Variants in PLCL1 observed in about 807,000 individuals in gnomAD.
PLCL1 encodes inactive phospholipase C-like protein 1.
PLCL1 carries 41 observed loss-of-function variants against 84.4 expected under a neutral mutation model. The observed-to-expected ratio is 0.49, with a 90% CI of 0.38 to 0.63. The LOEUF (loss-of-function observed/expected upper bound fraction) is 0.63. Ranked by LOEUF, PLCL1 falls within the 30% of genes least tolerant of loss-of-function variation. PLCL1 has a pLI of 0.00. For missense variants in PLCL1, 1,206 were observed against 1,367.8 expected (o/e 0.88, Z 1.87); for synonymous variants, 490 against 488.3 (o/e 1.00, Z -0.05).
intron 1 of PLCL1, among the ~76,000 whole-genome samples, chr2:197,926,389 A>G (rs1165476573): frequency 6.6e-6 from 1 of 152,208 alleles, no homozygotes. Flanking sequence ...TTCTGAGCCT[A>G]GTCTATTCCC....
At chr2:198,029,364 T>A (rs906516055) in intron 1 of PLCL1, among the ~76,000 whole-genome samples, 1 of 152,206 alleles carries the variant, frequency 6.6e-6, no homozygotes, top group Non-Finnish European at 1.5e-5. Context: ...AAACATACAT[T>A]TTCTACTAGA....
At position 198,085,877 on chromosome 2, in the gene PLCL1, A is replaced by G; in HGVS notation, c.2360A>G (p.Asn787Ser). The change falls in exon 2 of 6, where the codon AAC becomes AGC. Residue 787 changes from asparagine (N) to serine (S), a missense_variant. By Grantham distance (46) the Asn-to-Ser change is conservative (BLOSUM62 1). Coordinates refer to ENST00000428675, the MANE Select transcript of PLCL1 (RefSeq NM_006226.4). The surrounding 1 kb of genome is among the most constrained non-coding windows in gnomAD (Gnocchi z 5.3). ...IFDETFEFQV[N>S]LPELAMIRFV... ...GATGAAACTTTTGAGTTCCAAGTAA[A>G]CCTACCTGAGCTGGCCATGATCCGT... 2 of 1,614,038 alleles carry G rather than the reference A, an allele frequency of 1.2e-6. No homozygotes were observed. Among genetic ancestry groups the G allele is most frequent in the South Asian group, 2.2e-5 (2 of 91,078 alleles).
chr2:198,014,120 A>G (rs1390772072), intron 1 of PLCL1, among the ~76,000 whole-genome samples: 1 of 152,166 alleles, frequency 6.6e-6, no homozygotes, highest in Non-Finnish European at 1.5e-5. Flanking sequence ...TTTAAAAAGT[A>G]GCCTTTTATT....
At chr2:198,003,262 A>G (rs1053930143) in intron 1 of PLCL1, among the ~76,000 whole-genome samples, 43 of 152,184 alleles carry the variant, frequency 2.8e-4, no homozygotes, top group African/African-American at 8.7e-4. Flanking sequence ...TTAAAAAACA[A>G]GGGGCACTTC....
chr2:197,998,943 A>T (rs914653195), intron 1 of PLCL1, among the ~76,000 whole-genome samples: 6 of 152,156 alleles, frequency 3.9e-5, no homozygotes, highest in Non-Finnish European at 5.9e-5. Flanking sequence ...CTGCCACCCT[A>T]AGCCTTGAGT....
chr2:198,046,936 G>A (rs774684624), intron 1 of PLCL1, among the ~76,000 whole-genome samples: 12 of 152,166 alleles, frequency 7.9e-5, no homozygotes, highest in Non-Finnish European at 1.6e-4. Context: ...CAGAGTCAGA[G>A]TTCTAAAGTT....
At chr2:197,946,758 C>A (rs560913497) in intron 1 of PLCL1, among the ~76,000 whole-genome samples, 1 of 152,306 alleles carries the variant, frequency 6.6e-6, no homozygotes, top group Non-Finnish European at 1.5e-5. Flanking sequence ...TTTAATGAGG[C>A]CTTCCAGCTG....
chr2:197,932,170 G>A (rs1375170333), intron 1 of PLCL1, among the ~76,000 whole-genome samples: 1 of 152,058 alleles, frequency 6.6e-6, no homozygotes, highest in Non-Finnish European at 1.5e-5. Context: ...TCATTCCACA[G>A]TTACCATCTG....
At chr2:197,915,023 G>C (rs1458427576) in intron 1 of PLCL1, among the ~76,000 whole-genome samples, 1 of 152,150 alleles carries the variant, frequency 6.6e-6, no homozygotes, top group African/African-American at 2.4e-5. Context: ...TATTTAAAAC[G>C]TTGTCAGGGA....
Position 198,000,544 on chromosome 2 carries a change from A to G in PLCL1, c.241-83214A>G, listed in dbSNP as rs756321071. 1.0e-3 allele frequency among the ~76,000 whole-genome samples: 159 copies of G among 152,238 alleles called. 1 individual carries two copies. Among genetic ancestry groups the G allele is most frequent in the Admixed American group, 2.0e-3 (30 of 15,278 alleles). On this transcript the variant is annotated intron_variant, in intron 1 of 5. Coordinates refer to ENST00000428675, the MANE Select transcript of PLCL1 (RefSeq NM_006226.4). ...AGTCACTTTTCAAAAGTGTTTTGCC[A>G]TTTAATATTCATTTTTGGGGTCTTC...
intron 1 of PLCL1, among the ~76,000 whole-genome samples, chr2:197,956,786 A>C (rs1370978845): frequency 6.6e-6 from 1 of 151,600 alleles, no homozygotes; most frequent in Non-Finnish European, 1.5e-5. Flanking sequence ...TTTTCTTGTA[A>C]ATTTGTTTAG....
chr2:197,891,764 G>A (rs1008410812), intron 1 of PLCL1, among the ~76,000 whole-genome samples: 5 of 152,142 alleles, frequency 3.3e-5, no homozygotes, highest in African/African-American at 1.2e-4. Context: ...AGTGCTGGCC[G>A]GGCAGTGTTC....
intron 1 of PLCL1, among the ~76,000 whole-genome samples, chr2:197,922,846 G>C (rs1574950220): frequency 7.6e-6 from 1 of 131,126 alleles, no homozygotes; most frequent in Non-Finnish European, 1.7e-5. Context: ...TCCCAGTAGG[G>C]GCGGCCGGGC....
chr2:197,819,438 A>G (rs1166396128), intron 1 of PLCL1, among the ~76,000 whole-genome samples: 1 of 152,168 alleles, frequency 6.6e-6, no homozygotes, highest in Non-Finnish European at 1.5e-5. Flanking sequence ...GTAAGCTATC[A>G]GTAATAACTG....
chr2:197,852,176 A>G (rs1248017855), intron 1 of PLCL1, among the ~76,000 whole-genome samples: 1 of 152,160 alleles, frequency 6.6e-6, no homozygotes, highest in Non-Finnish European at 1.5e-5. Context: ...AATATCATTC[A>G]AGGCAACGTG....
intron 1 of PLCL1, among the ~76,000 whole-genome samples, chr2:197,930,817 T>C (rs78176172): frequency 0.022 from 3,324 of 152,310 alleles, 147 homozygotes; most frequent in African/African-American, 0.075. Flanking sequence ...CTCACAAAAG[T>C]TCCCACATAA....
chr2:197,838,638 T>G (rs1220877872), intron 1 of PLCL1, among the ~76,000 whole-genome samples: 1 of 152,252 alleles, frequency 6.6e-6, no homozygotes, highest in Non-Finnish European at 1.5e-5. Flanking sequence ...CTGGAGACAC[T>G]AATCAAAGGA....
At chr2:197,858,595 T>G (rs1687374743) in intron 1 of PLCL1, among the ~76,000 whole-genome samples, 1 of 152,204 alleles carries the variant, frequency 6.6e-6, no homozygotes, top group African/African-American at 2.4e-5. Context: ...GCTTCCCAAA[T>G]TGGATAAATT....
chr2:197,865,664 A>G (rs760705387), intron 1 of PLCL1, among the ~76,000 whole-genome samples: 1 of 152,118 alleles, frequency 6.6e-6, no homozygotes, highest in African/African-American at 2.4e-5. Flanking sequence ...GTTAGATGAA[A>G]CATATCAGTG....
Sources: allele counts gnomAD v4.1 joint callset (sites outside exome capture counted in the v4.1 genomes callset), GRCh38; gene constraint gnomAD v4.1.1; non-coding constraint Gnocchi (gnomAD v3.1); transcripts MANE v1.5; gene names NCBI Gene and HGNC (gene_info 2026-07-23, HGNC 2026-07-21).